The following SLC20A1 variants were observed in gnomAD, a reference collection of about 807,000 sequenced individuals.
SLC20A1 encodes sodium-dependent phosphate transporter 1.
A neutral mutation model predicts 62.7 loss-of-function variants in SLC20A1; 28 were observed. The observed-to-expected ratio is 0.45, with a 90% CI of 0.33 to 0.61. SLC20A1 has a LOEUF of 0.61. Ranked by LOEUF, SLC20A1 falls within the 20% of genes least tolerant of loss-of-function variation. The pLI is 0.02. For synonymous variants in SLC20A1, 305 were observed against 302.9 expected, an observed-to-expected ratio of 1.01 and a Z score of -0.07; for missense variants, 673 against 838.6, an observed-to-expected ratio of 0.80 and a Z score of 2.44.
In SLC20A1 at chr2:112,661,150, G is replaced by A; in HGVS notation, c.1802G>A (p.Ser601Asn). The change falls in exon 10 of 11, where the codon AGT becomes AAT. Residue 601 changes from serine to asparagine, a missense_variant. By Grantham distance (46) the Ser-to-Asn change is conservative. Coordinates refer to ENST00000272542, the MANE Select transcript of SLC20A1 (RefSeq NM_005415.5). The stretch of plus-strand genomic sequence containing the variant: ...TCCTTTTGTGTCTGTAGTGGCTTCA[G>A]TATTGAACTGGCATCTGCCCTCACT... The part of the protein sequence containing the change: ...LTPITPSSGF[S>N]IELASALTVV... 1 of 1,613,910 alleles carries A rather than the reference G, an allele frequency of 6.2e-7. No homozygotes were observed. The highest frequency in any genetic ancestry group is 8.5e-7 in the Non-Finnish European group (1 of 1,179,784).
Position 112,662,893 on chromosome 2 carries a change from C to A in SLC20A1, c.1908C>A (p.Leu636=). Reference sequence around the variant, plus strand: ...GCTCTGTTGTGTCTGTTGGCTGGCTCCGGTCCAAGAAGGCTGTTGACTGGC... The same window carrying A: ...GCTCTGTTGTGTCTGTTGGCTGGCTACGGTCCAAGAAGGCTGTTGACTGGC... ...KVGSVVSVGW[L]RSKKAVDWRL... The change falls in exon 11 of 11, where the codon CTC becomes CTA. Residue 636 remains leucine (L), a synonymous_variant. Coordinates refer to ENST00000272542, the MANE Select transcript of SLC20A1 (RefSeq NM_005415.5). 6.2e-7 allele frequency: 1 copy of A among 1,614,152 alleles called. No individual in the cohort carries two copies. The highest frequency in any genetic ancestry group is 2.2e-5 in the East Asian group (1 of 44,884).
At position 112,663,045 on chromosome 2, in the gene SLC20A1, T is replaced by G. The variant is rs369605241; in HGVS notation, c.*20T>G. ...ATGTGAAGCTGTTTGAGATTAAAATTTGTGTCAATGTTTGGGACCATCTTA... is the reference window on the plus strand; with the variant it reads ...ATGTGAAGCTGTTTGAGATTAAAATGTGTGTCAATGTTTGGGACCATCTTA... On this transcript the variant is annotated 3_prime_UTR_variant, in exon 11 of 11. Coordinates refer to ENST00000272542, the MANE Select transcript of SLC20A1 (RefSeq NM_005415.5). The G allele has an allele frequency of 2.3e-5, 37 of 1,613,588 alleles. No individual in the cohort carries two copies. The African/African-American group carries it at 4.0e-4, about 17-fold the overall frequency.
chr2:112,659,127 C>T (rs1225507762), intron 7 of SLC20A1, 33 bp downstream of exon 7: 1 of 1,608,958 alleles, frequency 6.2e-7, no homozygotes, highest in Admixed American at 1.7e-5. Flanking sequence ...ACTTTTGTTA[C>T]CTGCAGTGGT....
chr2:112,649,213 A>G (rs1326527036), intron 4 of SLC20A1, among the ~76,000 whole-genome samples: 1 of 152,238 alleles, frequency 6.6e-6, no homozygotes, highest in Non-Finnish European at 1.5e-5. Context: ...TGAGGGCTGA[A>G]GTTAGATACG....
chr2:112,658,975 C>T lies in SLC20A1; in HGVS notation c.929C>T (p.Ala310Val). Residue 310 changes from alanine to valine, a missense_variant, in exon 7 of 11, where the codon GCT becomes GTT. Coordinates refer to ENST00000272542, the MANE Select transcript of SLC20A1 (RefSeq NM_005415.5). ...GGGCCTGCCACTGTGCCCCTCCAGG[C>T]TGTGGTGGAGGAGAGAACAGTCTCA... Reference protein sequence around the residue: ...EVGPATVPLQAVVEERTVSFK... With the variant: ...EVGPATVPLQVVVEERTVSFK... The T allele has an allele frequency of 6.2e-7, 1 of 1,614,142 alleles. No individual in the cohort carries two copies. The highest frequency in any genetic ancestry group is 8.5e-7 in the Non-Finnish European group (1 of 1,180,020).
At chr2:112,652,556 T>A (rs983126617) in intron 4 of SLC20A1, 146 bp from the exon 5 acceptor site, 10 of 632,236 alleles carry the variant, frequency 1.6e-5, no homozygotes, top group Admixed American at 5.9e-5. Flanking sequence ...CAGATGCAAA[T>A]GCAGGAAAAA....
At chr2:112,648,068 C>A (rs1162453074) in intron 4 of SLC20A1, among the ~76,000 whole-genome samples, 1 of 151,990 alleles carries the variant, frequency 6.6e-6, no homozygotes, top group African/African-American at 2.4e-5. Context: ...TATATTCAGG[C>A]TAATATAATA....
intron 6 of SLC20A1, chr2:112,658,257 G>A (rs1297717995): frequency 2.0e-5 from 3 of 152,540 alleles, no homozygotes; most frequent in Non-Finnish European, 4.4e-5. Context: ...AGAGGCAGAA[G>A]ATACTCTGGT....
chr2:112,650,989 TGAC>T (rs1288199745), intron 4 of SLC20A1, among the ~76,000 whole-genome samples: 1 of 152,248 alleles, frequency 6.6e-6, no homozygotes, highest in African/African-American at 2.4e-5. Context: ...CTAATCTTGT[TGAC>T]TGCCCTCAGA....
Position 112,663,175 on chromosome 2 carries a change from G to C in SLC20A1, c.*150G>C. On this transcript the variant is annotated 3_prime_UTR_variant, in exon 11 of 11. Coordinates refer to ENST00000272542, the MANE Select transcript of SLC20A1 (RefSeq NM_005415.5). Reference sequence around the variant, plus strand: ...GGGAAGTGTTACTTGTGCTATAACTGCTTTTGTGCTAAATATGAATTGTCT... The same window carrying C: ...GGGAAGTGTTACTTGTGCTATAACTCCTTTTGTGCTAAATATGAATTGTCT... The C allele has an allele frequency of 1.1e-6, 1 of 910,168 alleles. No homozygotes were observed. Among genetic ancestry groups the C allele is most frequent in the Non-Finnish European group, 1.8e-6 (1 of 551,084 alleles). The allele number at this position is 910,168 out of a possible 1,614,324, so 56.4% of individuals were successfully genotyped here. A position where few individuals can be genotyped will look rare whatever the true frequency, so the allele number is the denominator to read the frequency against.
intron 6 of SLC20A1, 43 bp from the exon 7 acceptor site, chr2:112,658,782 T>C (rs1686666909): frequency 6.5e-7 from 1 of 1,548,112 alleles, no homozygotes; most frequent in South Asian, 1.3e-5. Flanking sequence ...CAAAGTAGTA[T>C]GGCCACAACC....
intron 4 of SLC20A1, 134 bp downstream of exon 4, chr2:112,647,872 T>C: frequency 1.4e-6 from 1 of 724,878 alleles, no homozygotes; most frequent in South Asian, 1.7e-5. Flanking sequence ...CTTTGTTCTG[T>C]GCATTTCTTG....
At position 112,646,788 on chromosome 2, in the gene SLC20A1, C is replaced by A; in HGVS notation, c.-41C>A. On this transcript the variant is annotated 5_prime_UTR_variant, in exon 2 of 11. Transcript: ENST00000272542. ...TATTCTGTTTACACATCTTGAAAGG[C>A]GCTCAGTAGTTCTCTTACTAAACAA... is the stretch of plus-strand genomic sequence containing the variant. 7.2e-7 allele frequency: 1 copy of A among 1,394,980 alleles called. No homozygotes were observed. The highest frequency in any genetic ancestry group is 1.2e-5 in the South Asian group (1 of 81,694). The allele number at this position is 1,394,980 out of a possible 1,614,324, so 86.4% of individuals were successfully genotyped here.
chr2:112,652,993 T>G (rs1686482726), intron 5 of SLC20A1, 195 bp downstream of exon 5: 1 of 1,407,904 alleles, frequency 7.1e-7, no homozygotes, highest in Admixed American at 2.0e-5. Flanking sequence ...AGAGACCTGC[T>G]CAGATTCTAA....
At position 112,659,070 on chromosome 2, in the gene SLC20A1, A is replaced by G. The variant is rs1686678230; in HGVS notation, c.1024A>G (p.Thr342Ala). The change falls in exon 7 of 11, where the codon ACC (threonine) becomes GCC (alanine). Residue 342 changes from threonine to alanine, a missense_variant. Coordinates refer to ENST00000272542, the MANE Select transcript of SLC20A1 (RefSeq NM_005415.5). ...RLPSVDLKEE[T>A]SIDSTVNGAV... ...TCCCAGCGTGGACTTGAAAGAGGAAACCAGCATAGATAGCACCGTGAATGG... is the reference window on the plus strand; with the variant it reads ...TCCCAGCGTGGACTTGAAAGAGGAAGCCAGCATAGATAGCACCGTGAATGG... 1 of 1,614,092 alleles carries G rather than the reference A, an allele frequency of 6.2e-7. No homozygotes were observed. Among genetic ancestry groups the G allele is most frequent in the Non-Finnish European group, 8.5e-7 (1 of 1,180,026 alleles).
intron 5 of SLC20A1, among the ~76,000 whole-genome samples, chr2:112,654,435 C>T (rs1270431783): frequency 6.6e-6 from 1 of 152,100 alleles, no homozygotes; most frequent in Non-Finnish European, 1.5e-5. Context: ...TCGTTGTGTC[C>T]TTTATGGATC....
In SLC20A1 at chr2:112,647,067, A is replaced by G; in HGVS notation, c.239A>G (p.Lys80Arg). 1 of 1,614,196 alleles carries G rather than the reference A, an allele frequency of 6.2e-7. No individual in the cohort carries two copies. Among genetic ancestry groups the G allele is most frequent in the Non-Finnish European group, 8.5e-7 (1 of 1,180,036 alleles). ...GTGGGCTCTGTCTTACTGGGGGCCAAAGTGAGCGAAACCATCCGGAAGGGC... is the reference window on the plus strand; with the variant it reads ...GTGGGCTCTGTCTTACTGGGGGCCAGAGTGAGCGAAACCATCCGGAAGGGC... ...ETVGSVLLGAKVSETIRKGLI... is the reference protein window; with the variant it reads ...ETVGSVLLGARVSETIRKGLI... The change falls in exon 2 of 11, where the codon AAA (lysine) becomes AGA (arginine). Residue 80 changes from lysine (K) to arginine (R), a missense_variant. Physicochemically the swap from Lys to Arg is conservative, Grantham distance 26. Transcript: ENST00000272542.
intron 4 of SLC20A1, among the ~76,000 whole-genome samples, chr2:112,650,713 T>C (rs751257978): frequency 2.0e-5 from 3 of 151,942 alleles, no homozygotes; most frequent in Non-Finnish European, 4.4e-5. Context: ...AGCCTTGACC[T>C]CCCAGGCTCA....
intron 10 of SLC20A1, among the ~76,000 whole-genome samples, chr2:112,662,104 A>G (rs1280219484): frequency 1.3e-5 from 2 of 152,246 alleles, no homozygotes; most frequent in Non-Finnish European, 1.5e-5. Flanking sequence ...TTTGATGACA[A>G]TCTAATAATT....
Sources: allele counts gnomAD v4.1 joint callset (sites outside exome capture counted in the v4.1 genomes callset), GRCh38; gene constraint gnomAD v4.1.1; transcripts MANE v1.5; gene names NCBI Gene and HGNC (gene_info 2026-07-23, HGNC 2026-07-21).